The following CRB1 variants were observed in gnomAD, a reference collection of about 807,000 sequenced individuals.
The protein encoded by CRB1 is protein crumbs homolog 1.
In CRB1, 83 loss-of-function variants were observed where a neutral mutation model predicts 120.0. The ratio of observed to expected loss-of-function variants is 0.69; its 90% CI spans 0.58 to 0.83. The LOEUF is 0.83. Ranked by LOEUF, CRB1 falls within the 40% of genes least tolerant of loss-of-function variation. The pLI is 0.00. For missense variants in CRB1, 1,699 were observed against 1,687.6 expected, an observed-to-expected ratio of 1.01 and a Z score of -0.12; for synonymous variants, 625 against 612.5, an observed-to-expected ratio of 1.02 and a Z score of -0.30.
intron 1 of CRB1, among the ~76,000 whole-genome samples, chr1:197,314,728 C>G (rs1179298059): frequency 1.3e-5 from 2 of 152,044 alleles, no homozygotes; most frequent in Non-Finnish European, 2.9e-5. Context: ...ATAATGTGGT[C>G]TCTACTCCTA....
intron 1 of CRB1, among the ~76,000 whole-genome samples, chr1:197,311,503 T>A (rs1308692297): frequency 6.6e-6 from 1 of 152,208 alleles, no homozygotes; most frequent in Non-Finnish European, 1.5e-5. Flanking sequence ...AAAATATTTC[T>A]TGTATTTCAT....
At chr1:197,307,236 C>T (rs1657226785) in intron 1 of CRB1, among the ~76,000 whole-genome samples, 1 of 152,154 alleles carries the variant, frequency 6.6e-6, no homozygotes, top group Non-Finnish European at 1.5e-5. Flanking sequence ...GTTCAAGCTT[C>T]AGATGTATTT....
intron 1 of CRB1, among the ~76,000 whole-genome samples, chr1:197,278,750 C>A (rs1308939904): frequency 3.3e-5 from 5 of 151,892 alleles, no homozygotes; most frequent in African/African-American, 1.2e-4. Context: ...AAACAAATTT[C>A]TTTAAATAAC....
chr1:197,435,072 G>C lies in CRB1; in HGVS notation c.3209G>C (p.Ser1070Thr). ...PFVTSTIATGSLNFLKDNTDI... is the reference protein window; with the variant it reads ...PFVTSTIATGTLNFLKDNTDI... ...GTGACCAGCACAATTGCTACTGGAA[G>C]CCTCAACTTTTTGAAGGATAATACA... The change falls in exon 9 of 12, where the codon AGC (serine) becomes ACC (threonine). Residue 1070 changes from serine to threonine, a missense_variant. Ser to Thr is a moderately conservative substitution (Grantham distance 58). Transcript: ENST00000367400. The C allele has an allele frequency of 6.2e-7, 1 of 1,613,984 alleles. No individual in the cohort carries two copies. Among genetic ancestry groups the C allele is most frequent in the Non-Finnish European group, 8.5e-7 (1 of 1,179,908 alleles).
Position 197,421,253 on chromosome 1 carries a change from C to T in CRB1, c.1425C>T (p.Tyr475=), listed in dbSNP as rs2125469515. 1 of 1,614,196 alleles carries T rather than the reference C, an allele frequency of 6.2e-7. No homozygotes were observed. The highest frequency in any genetic ancestry group is 8.5e-7 in the Non-Finnish European group (1 of 1,180,022). ...HGFSCLCPSG[Y]TGSLCEIATT... is the part of the protein sequence containing the mutation. ...TCAGCTGCCTATGTCCATCTGGCTA[C>T]ACCGGGTCCCTGTGTGAAATCGCAA... The change falls in exon 6 of 12, where the codon TAC becomes TAT. Residue 475 remains tyrosine, a synonymous_variant. Coordinates refer to ENST00000367400, the MANE Select transcript of CRB1 (RefSeq NM_201253.3).
At chr1:197,261,618 G>A in the CRB1 span, among the ~76,000 whole-genome samples, 4 of 152,076 alleles carry the variant, frequency 2.6e-5, no homozygotes, top group East Asian at 1.9e-4. Context: ...GGTATAAAAC[G>A]ATATTCATTA....
rs2125303672 is a variant in CRB1, at chr1:197,328,484, TGC to T, written c.134_135del (p.Cys45Ter). The T allele has an allele frequency of 3.1e-6, 5 of 1,614,224 alleles. No homozygotes were observed. Among genetic ancestry groups the T allele is most frequent in the Non-Finnish European group, 4.2e-6 (5 of 1,180,034 alleles). On this transcript the variant is annotated frameshift_variant, in exon 2 of 12. Transcript: ENST00000367400. LOFTEE classifies it high-confidence loss of function. Reference protein sequence around the residue: ...LSNSCQNNSTCKDFSKDNDCS... With the variant: ...LSNSCQNNSTXKDFSKDNDCS... ...AAATTCTTGCCAAAACAATTCTACA[TGC>T]AAAGATTTTTCAAAAGACAATGATT...
intron 6 of CRB1, among the ~76,000 whole-genome samples, chr1:197,425,353 TA>T (rs982982418): frequency 6.6e-6 from 1 of 152,090 alleles, no homozygotes; most frequent in Non-Finnish European, 1.5e-5. Flanking sequence ...GTTCTGAAAA[TA>T]TAGCCTTTTA....
intron 10 of CRB1, chr1:197,441,254 G>A (rs1044309626): frequency 3.9e-5 from 6 of 152,208 alleles, no homozygotes; most frequent in African/African-American, 1.4e-4. Context: ...CTTAGTTGCT[G>A]TTCTATCCCA....
intron 5 of CRB1, among the ~76,000 whole-genome samples, chr1:197,403,933 A>G (rs910159916): frequency 6.6e-6 from 1 of 152,196 alleles, no homozygotes; most frequent in Non-Finnish European, 1.5e-5. Flanking sequence ...CACCTCAGAT[A>G]CATAGTAGAA....
At chr1:197,447,316 G>A (rs771808184) in intron 11 of CRB1, 2 of 152,226 alleles carry the variant, frequency 1.3e-5, no homozygotes, top group Non-Finnish European at 2.9e-5. Context: ...CAACATGGTT[G>A]CTTACTTCCT....
At chr1:197,404,011 A>T in intron 5 of CRB1, among the ~76,000 whole-genome samples, 1 of 152,204 alleles carries the variant, frequency 6.6e-6, no homozygotes, top group Admixed American at 6.5e-5. Context: ...CTAGGATCTA[A>T]CCAGTTTCAC....
chr1:197,391,042 A>G (rs893540959), intron 5 of CRB1, among the ~76,000 whole-genome samples: 2 of 152,118 alleles, frequency 1.3e-5, no homozygotes, highest in African/African-American at 2.4e-5. Context: ...AGAAAGTTTC[A>G]TGGTAGACAG....
chr1:197,209,947 A>G, the CRB1 span, among the ~76,000 whole-genome samples: 1 of 152,188 alleles, frequency 6.6e-6, no homozygotes, highest in African/African-American at 2.4e-5. Context: ...ATCCCAGGGC[A>G]GCTATCTGCT....
chr1:197,421,811 CTCA>C lies in CRB1; in HGVS notation c.1988_1990del (p.Ser663del), dbSNP rs1280369926. The C allele has an allele frequency of 1.9e-6, 3 of 1,614,152 alleles. No homozygotes were observed. The highest frequency in any genetic ancestry group is 8.5e-7 in the Non-Finnish European group (1 of 1,180,036). On this transcript the variant is annotated inframe_deletion, in exon 6 of 12. Coordinates refer to ENST00000367400, the MANE Select transcript of CRB1 (RefSeq NM_201253.3). ...TTACCCTGGAGAACATCTCGTCTGG[CTCA>C]TCATTAAATGTCAAGGCAGGCTGTG...
chr1:197,414,052 T>C (rs1037799550), intron 5 of CRB1: 1 of 409,230 alleles, frequency 2.4e-6, no homozygotes, highest in South Asian at 1.8e-5. Flanking sequence ...TTAGTGTTTT[T>C]AAGATGTTTA....
At chr1:197,378,453 T>C (rs540335127) in intron 5 of CRB1, among the ~76,000 whole-genome samples, 1 of 152,276 alleles carries the variant, frequency 6.6e-6, no homozygotes, top group East Asian at 1.9e-4. Context: ...TTACCTCCTC[T>C]TTCTCTCAAT....
chr1:197,347,284 G>T, intron 3 of CRB1, 56 bp from the exon 4 acceptor site: 1 of 1,487,680 alleles, frequency 6.7e-7, no homozygotes, highest in South Asian at 1.1e-5. Context: ...ACAGTATAAA[G>T]ATATCTGATC....
intron 5 of CRB1, among the ~76,000 whole-genome samples, chr1:197,375,689 C>G (rs1443763637): frequency 1.3e-5 from 2 of 152,174 alleles, no homozygotes; most frequent in East Asian, 3.8e-4. Flanking sequence ...TTATGCATGG[C>G]ACCCTGTTCA....
Sources: gnomAD v4.1 joint callset for allele counts (sites outside exome capture counted in the v4.1 genomes callset) on GRCh38, gnomAD v4.1.1 for gene constraint, MANE v1.5 for transcripts, NCBI Gene and HGNC (gene_info 2026-07-23, HGNC 2026-07-21) for gene names.